The following PXDN variants were observed in gnomAD, a reference collection of about 807,000 sequenced individuals.
The protein encoded by PXDN is peroxidasin, also known as peroxidasin homolog.
A neutral mutation model predicts 140.3 loss-of-function variants in PXDN; 77 were observed. That is an observed-to-expected ratio of 0.55 (90% CI 0.46 to 0.66). PXDN has a LOEUF of 0.66. Among genes scored for constraint, PXDN ranks in the 30% least tolerant of loss-of-function variants. PXDN has a pLI of 0.00. For missense variants in PXDN, 1,838 were observed against 2,039.5 expected (o/e 0.90, Z 1.90); for synonymous variants, 911 against 857.4 (o/e 1.06, Z -1.09).
intron 9 of PXDN, among the ~76,000 whole-genome samples, chr2:1,669,189 C>G (rs1483340078): frequency 1.3e-5 from 2 of 152,284 alleles, no homozygotes; most frequent in Non-Finnish European, 2.9e-5. Flanking sequence ...CCTCAGCAAA[C>G]TAACACAGGG....
intron 19 of PXDN, among the ~76,000 whole-genome samples, chr2:1,641,783 G>A (rs1372808877): frequency 6.6e-6 from 1 of 152,204 alleles, no homozygotes; most frequent in Non-Finnish European, 1.5e-5. Flanking sequence ...AAGGACTTTG[G>A]ATTTTCTTAG....
chr2:1,673,350 G>A (rs915111700), intron 9 of PXDN, among the ~76,000 whole-genome samples: 1 of 152,044 alleles, frequency 6.6e-6, no homozygotes, highest in Admixed American at 6.6e-5. Flanking sequence ...GGGTCGGTGG[G>A]TCAGGGTGTG....
intron 6 of PXDN, 128 bp from the exon 7 acceptor site, chr2:1,680,490 A>G (rs1683872393): frequency 8.9e-7 from 1 of 1,129,838 alleles, no homozygotes; most frequent in Non-Finnish European, 1.3e-6. Flanking sequence ...CGACATGGGG[A>G]TGGGACACGT....
In PXDN at chr2:1,651,507, G is replaced by A. The variant is rs1166443104; in HGVS notation, c.2105-1832C>T. ...GGTTCCCATTTCATACACAGCCAAC[G>A]ACATATCCTTATATTCGCTCCCAGG... On this transcript the variant is annotated intron_variant, in intron 16 of 22. Transcript: ENST00000252804. The surrounding 1 kb of genome is among the most constrained non-coding windows in gnomAD (Gnocchi z 4.4). Among the ~76,000 whole-genome samples, 4 of 152,198 alleles carry A rather than the reference G, an allele frequency of 2.6e-5. No individual in the cohort carries two copies. The highest frequency in any genetic ancestry group is 9.7e-5 in the African/African-American group (4 of 41,446).
At chr2:1,679,173 G>GGTGTGTGCGT (rs1683804865) in intron 7 of PXDN, among the ~76,000 whole-genome samples, 1 of 150,266 alleles carries the variant, frequency 6.7e-6, no homozygotes, top group Non-Finnish European at 1.5e-5. Flanking sequence ...GTGAGTGTGT[G>GGTGTGTGCGT]GTGTGTGCGT....
At chr2:1,720,006 AGGGATGT>A (rs1684989311) in intron 1 of PXDN, among the ~76,000 whole-genome samples, 1 of 20,674 alleles carries the variant, frequency 4.8e-5, no homozygotes, top group Non-Finnish European at 8.5e-5. Context: ...GAGGGAGGGG[AGGGATGT>A]AGAGAGAGAG....
chr2:1,692,128 C>A lies in PXDN; in HGVS notation c.273-129G>T, dbSNP rs1419152688. ...CAGTTACAGCCTCGCCATCAACATT[C>A]AACGAACGCTGAACCCGCAGGACAA... On this transcript the variant is annotated intron_variant, in intron 2 of 22. Transcript: ENST00000252804. The A allele has an allele frequency of 7.4e-6, 5 of 679,416 alleles. No homozygotes were observed. The Admixed American group carries it at 9.7e-5, about 13-fold the overall frequency. 42.1% of individuals were successfully genotyped at this position (679,416 alleles called of 1,614,324 possible).
chr2:1,657,789 CCT>C (rs1322175608), intron 14 of PXDN, among the ~76,000 whole-genome samples: 3 of 146,336 alleles, frequency 2.1e-5, no homozygotes, highest in Admixed American at 6.7e-5. Context: ...GAACCTGCCC[CCT>C]GTTGTCTGGA....
At chr2:1,722,631 A>G (rs1166149692) in intron 1 of PXDN, among the ~76,000 whole-genome samples, 1 of 152,262 alleles carries the variant, frequency 6.6e-6, no homozygotes, top group Non-Finnish European at 1.5e-5. Flanking sequence ...GTTGTATTTT[A>G]AAATCAGTGC....
intron 1 of PXDN, among the ~76,000 whole-genome samples, chr2:1,742,133 C>G (rs1229087442): frequency 6.6e-6 from 1 of 152,232 alleles, no homozygotes; most frequent in Non-Finnish European, 1.5e-5. Context: ...TTCTGGCCAC[C>G]AGCGCTACGC....
chr2:1,658,037 T>TCGCTCTCTCG (rs1384123605), intron 14 of PXDN, among the ~76,000 whole-genome samples: 2 of 20,680 alleles, frequency 9.7e-5, no homozygotes, highest in African/African-American at 3.6e-4. Context: ...GCTCTCTCTC[T>TCGCTCTCTCG]CTCTCTCTCT....
chr2:1,638,711 G>A (rs1435924101), intron 21 of PXDN, 135 bp downstream of exon 21: 8 of 1,371,052 alleles, frequency 5.8e-6, no homozygotes, highest in Admixed American at 3.7e-5. Flanking sequence ...ACACCCCCAA[G>A]GCTCCAGGGT....
intron 1 of PXDN, among the ~76,000 whole-genome samples, chr2:1,734,549 TATCCACAGTAGAACTTCTTTCAAA>T (rs1558532299): frequency 1.3e-5 from 2 of 152,214 alleles, no homozygotes; most frequent in African/African-American, 4.8e-5. Context: ...CATAGCTTTT[TATCCACAGTAGAACTTCTTTCAAA>T]ATTGAAGTCA....
At chr2:1,727,216 G>A (rs979031871) in intron 1 of PXDN, among the ~76,000 whole-genome samples, 1 of 152,060 alleles carries the variant, frequency 6.6e-6, no homozygotes. Context: ...CCGGAGAACC[G>A]CCACCGCCCC....
chr2:1,702,240 T>C (rs974212699), intron 1 of PXDN, among the ~76,000 whole-genome samples: 4 of 152,212 alleles, frequency 2.6e-5, no homozygotes, highest in African/African-American at 9.6e-5. Context: ...AAGATCTATC[T>C]TGGCTTCCAG....
chr2:1,741,014 G>A (rs112013888), intron 1 of PXDN, among the ~76,000 whole-genome samples: 3 of 152,276 alleles, frequency 2.0e-5, no homozygotes, highest in African/African-American at 7.2e-5. Flanking sequence ...GCTTTGCAGC[G>A]GCCTGGACTG....
At chr2:1,665,338 C>T (rs540977636) in intron 10 of PXDN, among the ~76,000 whole-genome samples, 4 of 152,262 alleles carry the variant, frequency 2.6e-5, no homozygotes, top group East Asian at 3.9e-4. Context: ...ACACGGGGCA[C>T]GGATGAGGAC....
In PXDN at chr2:1,633,952, A is replaced by G; in HGVS notation, c.*252T>C. The G allele has an allele frequency of 2.5e-6, 1 of 397,296 alleles. No homozygotes were observed. Among genetic ancestry groups the G allele is most frequent in the Non-Finnish European group, 4.5e-6 (1 of 223,848 alleles). 24.6% of individuals were successfully genotyped at this position (397,296 alleles called of 1,614,324 possible). On this transcript the variant is annotated 3_prime_UTR_variant, in exon 23 of 23. Coordinates refer to ENST00000252804, the MANE Select transcript of PXDN (RefSeq NM_012293.3). ...TTTTTCATTTTAAAAGAATTAAATAAAAACCTGAGAAGTCTAACGTGAAGC... is the reference window on the plus strand; with the variant it reads ...TTTTTCATTTTAAAAGAATTAAATAGAAACCTGAGAAGTCTAACGTGAAGC...
Position 1,690,675 on chromosome 2 carries a change from T to C in PXDN, c.344+1253A>G, listed in dbSNP as rs893514778. ...AAAAAAAAAAAAAAAAAAAAAAGGGTAAATAAACAAATAAAAGGCCTGCCT... is the reference window on the plus strand; with the variant it reads ...AAAAAAAAAAAAAAAAAAAAAAGGGCAAATAAACAAATAAAAGGCCTGCCT... On this transcript the variant is annotated intron_variant, in intron 3 of 22. Coordinates refer to ENST00000252804, the MANE Select transcript of PXDN (RefSeq NM_012293.3). Among the ~76,000 whole-genome samples, 6 of 113,460 alleles carry C rather than the reference T, an allele frequency of 5.3e-5. No individual in the cohort carries two copies. In the East Asian group the frequency reaches 1.6e-3, roughly 30 times the overall value. The allele number at this position is 113,460 out of a possible 152,430, so 74.4% of individuals were successfully genotyped here.
Sources: allele counts gnomAD v4.1 joint callset (sites outside exome capture counted in the v4.1 genomes callset), GRCh38; gene constraint gnomAD v4.1.1; non-coding constraint Gnocchi (gnomAD v3.1); transcripts MANE v1.5; gene names NCBI Gene and HGNC (gene_info 2026-07-23, HGNC 2026-07-21).